The following SFTPB variants were observed in gnomAD, a reference collection of about 807,000 sequenced individuals.
The protein encoded by SFTPB is pulmonary surfactant-associated protein B.
Under a neutral mutation model 51.0 loss-of-function variants are expected in SFTPB, and 32 were observed. The ratio of observed to expected loss-of-function variants is 0.63; its 90% confidence interval spans 0.47 to 0.84. SFTPB has a LOEUF of 0.84. Ranked by LOEUF, SFTPB falls within the 40% of genes least tolerant of loss-of-function variation. The pLI is 0.00. For synonymous variants in SFTPB, 211 were observed against 208.5 expected (o/e 1.01, Z -0.10); for missense variants, 431 against 491.2 (o/e 0.88, Z 1.16).
At chr2:85,666,501 GT>G in intron 4 of SFTPB, 115 bp downstream of exon 4, 1 of 1,019,026 alleles carries the variant, frequency 9.8e-7, no homozygotes, top group African/African-American at 1.6e-5. Flanking sequence ...TGCTGTGTGT[GT>G]GTGTGTGTGT....
At chr2:85,667,235 C>A in intron 2 of SFTPB, 58 bp from the exon 3 acceptor site, 2 of 1,301,856 alleles carry the variant, frequency 1.5e-6, no homozygotes, top group Non-Finnish European at 2.2e-6. Flanking sequence ...CTCCCAGCTC[C>A]AATGGGGAGG....
At chr2:85,668,295 G>A (rs1465384211), upstream of SFTPB, 1 of 1,047,690 alleles carries the variant, frequency 9.5e-7, no homozygotes, top group African/African-American at 1.6e-5. Flanking sequence ...TTGCTCTGAA[G>A]AGCCCTCCAG....
chr2:85,667,452 C>T (rs1231907600), intron 2 of SFTPB, among the ~76,000 whole-genome samples: 1 of 151,966 alleles, frequency 6.6e-6, no homozygotes, highest in Non-Finnish European at 1.5e-5. Flanking sequence ...CTATCCCTTC[C>T]CCTCCCATCC....
intron 9 of SFTPB, 29 bp downstream of exon 9, chr2:85,662,000 C>T (rs1677328769): frequency 6.3e-7 from 1 of 1,578,354 alleles, no homozygotes. Flanking sequence ...AAGGGAAGTC[C>T]TAGGACCAAC....
rs1348381802 is a variant in SFTPB, at chr2:85,662,865, AAG to A, written c.1002+479_1002+480del. ...CAAAAAAAAAAAAAAAAAAAAAAAAAAGGGAATTTCCTGTCATTGACTGAGTA... is the reference window on the plus strand; with the variant it reads ...CAAAAAAAAAAAAAAAAAAAAAAAAAGGAATTTCCTGTCATTGACTGAGTA... On this transcript the variant is annotated intron_variant, in intron 8 of 10. Transcript: ENST00000519937. 3.5e-4 allele frequency among the ~76,000 whole-genome samples: 53 copies of A among 151,304 alleles called. 1 individual carries two copies. The East Asian group carries it at 9.0e-3, about 26-fold the overall frequency.
At chr2:85,666,369 G>GGCTCCCCA (rs1677610854) in intron 4 of SFTPB, among the ~76,000 whole-genome samples, 1 of 135,332 alleles carries the variant, frequency 7.4e-6, no homozygotes, top group African/African-American at 2.7e-5. Flanking sequence ...CTGTGTGTGT[G>GGCTCCCCA]TGTGTCCGGC....
intron 9 of SFTPB, 121 bp from the exon 10 acceptor site, chr2:85,661,656 C>T: frequency 1.3e-6 from 1 of 798,646 alleles, no homozygotes; most frequent in Non-Finnish European, 2.1e-6. Context: ...CAGTGTGACT[C>T]TGTAGACCCC....
intron 6 of SFTPB, among the ~76,000 whole-genome samples, chr2:85,664,882 T>C (rs770524113): frequency 6.6e-6 from 1 of 152,206 alleles, no homozygotes; most frequent in Non-Finnish European, 1.5e-5. Flanking sequence ...AGACTCCAAG[T>C]TGGACTCAGG....
chr2:85,665,704 T>C lies in SFTPB; in HGVS notation c.484A>G (p.Lys162Glu). The change falls in exon 5 of 11, where the codon AAA (lysine) becomes GAA (glutamate). Residue 162 changes from lysine to glutamate, a missense_variant. By Grantham distance (56) the Lys-to-Glu change is moderately conservative (BLOSUM62 1). Transcript: ENST00000519937. ...QEPGMSDPLP[K>E]PLRDPLPDPL... ...TCTGGCAGAGGGTCCCGCAGAGGTT[T>C]GGGCAGGGGGTCTGACATCCCTGGC... 6.2e-7 allele frequency: 1 copy of C among 1,614,158 alleles called. No individual in the cohort carries two copies. The highest frequency in any genetic ancestry group is 2.2e-5 in the East Asian group (1 of 44,872).
chr2:85,666,028 A>G (rs1677569191), intron 4 of SFTPB, among the ~76,000 whole-genome samples: 1 of 152,070 alleles, frequency 6.6e-6, no homozygotes, highest in African/African-American at 2.4e-5. Context: ...GTGAGAATGA[A>G]TAAGTGTGTA....
intron 4 of SFTPB, 171 bp downstream of exon 4, chr2:85,666,446 T>C: frequency 1.7e-6 from 1 of 583,992 alleles, no homozygotes; most frequent in Non-Finnish European, 3.1e-6. Flanking sequence ...TGTGTGTGTG[T>C]CCGGCTGGCT....
chr2:85,663,586 A>G, intron 7 of SFTPB, 78 bp downstream of exon 7: 1 of 1,594,676 alleles, frequency 6.3e-7, no homozygotes, highest in Non-Finnish European at 8.5e-7. Context: ...GGGACCACAG[A>G]GGGAGAGGGT....
chr2:85,665,523 C>T (rs554542770), intron 5 of SFTPB, 83 bp downstream of exon 5: 1 of 1,530,068 alleles, frequency 6.5e-7, no homozygotes, highest in African/African-American at 1.4e-5. Context: ...CTCTGCCTCT[C>T]CCAGGGCCCA....
At position 85,664,141 on chromosome 2, in the gene SFTPB, C is replaced by G. The variant is rs3024805; in HGVS notation, c.673-294G>C. The stretch of plus-strand genomic sequence containing the variant: ...TGGTGGACCTGACCTTCCCCCAATG[C>G]TTGGGATTCAGCTGCTTGCCTGACT... On this transcript the variant is annotated intron_variant, in intron 6 of 10. Transcript: ENST00000519937. 0.069 allele frequency among the ~76,000 whole-genome samples: 10,575 copies of G among 152,220 alleles called. 1,206 individuals are homozygous for G. The highest frequency in any genetic ancestry group is 0.24 in the African/African-American group (10,000 of 41,474).
At chr2:85,659,945 G>C (rs145949286) in intron 10 of SFTPB, among the ~76,000 whole-genome samples, 2,265 of 152,224 alleles carry the variant, frequency 0.015, 29 homozygotes, top group African/African-American at 0.036. Flanking sequence ...AGGTCTGAGT[G>C]GGGGAGGACC....
At chr2:85,662,161 T>A (rs1366906211) in intron 8 of SFTPB, 52 bp from the exon 9 acceptor site, 3 of 1,566,420 alleles carry the variant, frequency 1.9e-6, no homozygotes, top group African/African-American at 2.7e-5. Flanking sequence ...GACTCTCCTG[T>A]CGTGTGGTCC....
Position 85,667,150 on chromosome 2 carries a change from T to C in SFTPB, c.223A>G (p.Ile75Val). The C allele has an allele frequency of 1.2e-6, 2 of 1,613,996 alleles. No individual in the cohort carries two copies. Among genetic ancestry groups the C allele is most frequent in the Non-Finnish European group, 1.7e-6 (2 of 1,179,878 alleles). The change falls in exon 3 of 11, where the codon ATC (isoleucine) becomes GTC (valine). Residue 75 changes from isoleucine (I) to valine (V), a missense_variant. Ile to Val is a conservative substitution (Grantham distance 29, BLOSUM62 3). Transcript: ENST00000519937. The part of the protein sequence containing the change: ...ADDLCQECED[I>V]VHILNKMAKE... ...GCCATCTTGTTAAGGATGTGGACGATGTCCTCACACTCTTGGCATAGGTCA... is the reference window on the plus strand; with the variant it reads ...GCCATCTTGTTAAGGATGTGGACGACGTCCTCACACTCTTGGCATAGGTCA...
chr2:85,667,678 C>T lies in SFTPB; in HGVS notation c.195+1G>A, dbSNP rs45596037. 1.5e-5 allele frequency: 25 copies of T among 1,614,116 alleles called. No individual in the cohort carries two copies. The highest frequency in any genetic ancestry group is 4.5e-5 in the East Asian group (2 of 44,892). On this transcript the variant is annotated splice_donor_variant, in intron 2 of 10. Coordinates refer to ENST00000519937, the MANE Select transcript of SFTPB (RefSeq NM_000542.5). LOFTEE classifies it high-confidence loss of function. ...TGCCATGCATCCTTGGTGGTACTCA[C>T]GGCTCCCACATGTCCCCAGACTTCC... is the stretch of plus-strand genomic sequence containing the variant.
chr2:85,663,719 G>T lies in SFTPB; in HGVS notation c.801C>A (p.Pro267=). 1 of 1,612,340 alleles carries T rather than the reference G, an allele frequency of 6.2e-7. No individual in the cohort carries two copies. The highest frequency in any genetic ancestry group is 1.3e-5 in the African/African-American group (1 of 75,032). ...GGAGGACGAGGCGGCAGACCAGCTG[G>T]GGCAGCATGCGGCCCAGCAGCGTGT... ...LLDTLLGRML[P]QLVCRLVLRC... is the part of the protein sequence containing the mutation. Residue 267 remains proline, a synonymous_variant, in exon 7 of 11, where the codon CCC becomes CCA. Transcript: ENST00000519937.
Sources: allele counts gnomAD v4.1 joint callset (sites outside exome capture counted in the v4.1 genomes callset), GRCh38; gene constraint gnomAD v4.1.1; transcripts MANE v1.5; gene names NCBI Gene and HGNC (gene_info 2026-07-23, HGNC 2026-07-21).